Variants in FBF1 observed in about 807,000 individuals in gnomAD.
FBF1 encodes Fas binding factor 1, also known as fas-binding factor 1.
FBF1 carries 119 observed loss-of-function variants against 147.2 expected under a neutral mutation model. The ratio of observed to expected loss-of-function variants is 0.81; its 90% CI spans 0.70 to 0.94. FBF1 has a LOEUF of 0.94. Ranked by LOEUF, FBF1 falls within the 40% of genes least tolerant of loss-of-function variation. FBF1 has a pLI of 0.00. For synonymous variants in FBF1, 601 were observed against 609.0 expected, an observed-to-expected ratio of 0.99 and a Z score of 0.19; for missense variants, 1,449 against 1,500.8, an observed-to-expected ratio of 0.97 and a Z score of 0.57.
chr17:75,926,201 G>C (rs374110657), intron 11 of FBF1, 38 bp from the exon 12 acceptor site: 9 of 1,605,180 alleles, frequency 5.6e-6, no homozygotes, highest in Non-Finnish European at 6.8e-6. Context: ...GTGTAGGTAT[G>C]AGGGGCTCTC....
chr17:75,931,145 T>TC, intron 6 of FBF1, 84 bp downstream of exon 6: 2 of 1,429,618 alleles, frequency 1.4e-6, no homozygotes, highest in Non-Finnish European at 1.9e-6. Flanking sequence ...TCTAAACCCT[T>TC]CCGTGGGCAG....
Position 75,909,610 on chromosome 17 carries a change from TCA to T in FBF1, c.*1111_*1112del, listed in dbSNP as rs1174218853. On this transcript the variant is annotated 3_prime_UTR_variant, in exon 30 of 30. Transcript: ENST00000636174. ...GCAGGTTATTTAATCTCCCCGGGCC[TCA>T]GTTTCTGCATGTTTGAAGCAGGGCT... The T allele has an allele frequency of 3.9e-6, 2 of 509,996 alleles. No homozygotes were observed. Among genetic ancestry groups the T allele is most frequent in the Non-Finnish European group, 7.0e-6 (2 of 287,206 alleles). 31.6% of individuals were successfully genotyped at this position (509,996 alleles called of 1,614,324 possible). A position where few individuals can be genotyped will look rare whatever the true frequency, so the allele number is the denominator to read the frequency against.
intron 1 of FBF1, among the ~76,000 whole-genome samples, chr17:75,938,798 G>A (rs748845556): frequency 1.3e-5 from 2 of 151,534 alleles, no homozygotes; most frequent in Non-Finnish European, 1.5e-5. Context: ...CCCGCTAGAC[G>A]GAGGTTGCAG....
In FBF1 at chr17:75,912,244, C is replaced by CTGGG; in HGVS notation, c.3307_3310dup (p.Ser1104ThrfsTer22). The CTGGG allele has an allele frequency of 6.2e-7, 1 of 1,611,524 alleles. No homozygotes were observed. Among genetic ancestry groups the CTGGG allele is most frequent in the Non-Finnish European group, 8.5e-7 (1 of 1,179,324 alleles). On this transcript the variant is annotated frameshift_variant, in exon 29 of 30. Coordinates refer to ENST00000636174, the MANE Select transcript of FBF1 (RefSeq NM_001319193.2). LOFTEE classifies it high-confidence loss of function. ...CAGCCTGGCATGGAGGTGCAAGGGG[C>CTGGG]TGGGGTCCAGGCCAGTTGGCGGCTG...
intron 17 of FBF1, among the ~76,000 whole-genome samples, chr17:75,920,838 G>C (rs1040424601): frequency 2.6e-5 from 4 of 151,856 alleles, no homozygotes; most frequent in Non-Finnish European, 5.9e-5. Flanking sequence ...CCTGGGGGGG[G>C]GGGGGGCACA....
Position 75,928,956 on chromosome 17 carries a change from G to T in FBF1, c.280-763C>A, listed in dbSNP as rs1478954962. Among the ~76,000 whole-genome samples, 3 of 150,778 alleles carry T rather than the reference G, an allele frequency of 2.0e-5. No homozygotes were observed. Among genetic ancestry groups the T allele is most frequent in the Non-Finnish European group, 4.4e-5 (3 of 67,770 alleles). ...TCCACCTGCCATGGCCTCCCAAAGT[G>T]CTGGCATTACAGGAGTAAGCCACCA... is the stretch of plus-strand genomic sequence containing the variant. On this transcript the variant is annotated intron_variant, in intron 7 of 29. Coordinates refer to ENST00000636174, the MANE Select transcript of FBF1 (RefSeq NM_001319193.2). The surrounding 1 kb of genome is among the most constrained non-coding windows in gnomAD (Gnocchi z 4.2).
chr17:75,929,197 G>A (rs1033510611), intron 7 of FBF1, among the ~76,000 whole-genome samples: 1 of 152,070 alleles, frequency 6.6e-6, no homozygotes, highest in Non-Finnish European at 1.5e-5. Context: ...TGGACCGGGT[G>A]TGGTGCCTCA....
At chr17:75,911,365 T>A (rs2065455854) in intron 29 of FBF1, among the ~76,000 whole-genome samples, 1 of 152,210 alleles carries the variant, frequency 6.6e-6, no homozygotes, top group South Asian at 2.1e-4. Flanking sequence ...TTTTGTTTAG[T>A]TTGAGACAAG....
intron 4 of FBF1, among the ~76,000 whole-genome samples, chr17:75,935,019 A>C (rs2144195504): frequency 6.6e-6 from 1 of 152,270 alleles, no homozygotes; most frequent in East Asian, 1.9e-4. Flanking sequence ...GAAATTGACT[A>C]CTAATGGGCA....
intron 5 of FBF1, 47 bp from the exon 6 acceptor site, chr17:75,931,336 A>G (rs2065593591): frequency 1.4e-5 from 21 of 1,531,070 alleles, no homozygotes; most frequent in Non-Finnish European, 1.8e-5. Context: ...AGGGCACTGG[A>G]TGACTCTAAA....
intron 23 of FBF1, among the ~76,000 whole-genome samples, chr17:75,916,619 T>C (rs2065490851): frequency 6.6e-6 from 1 of 152,176 alleles, no homozygotes; most frequent in South Asian, 2.1e-4. Flanking sequence ...ACCCTGTCTC[T>C]AAAAAATAAC....
chr17:75,923,284 C>T lies in FBF1; in HGVS notation c.1326G>A (p.Leu442=), dbSNP rs371707481. 6 of 1,591,802 alleles carry T rather than the reference C, an allele frequency of 3.8e-6. No individual in the cohort carries two copies. In the African/African-American group the frequency reaches 6.7e-5, roughly 18 times the overall value. The change falls in exon 14 of 30, where the codon CTG becomes CTA. Residue 442 remains leucine (L), a synonymous_variant. Transcript: ENST00000636174. The surrounding 1 kb of genome is among the most constrained non-coding windows in gnomAD (Gnocchi z 4.1). ...CCAGGCCTTGGGACTTCTTCCGAGA[C>T]AGGGCATGGCTCAGCCAGTCCTCTT... The part of the protein sequence containing the change: ...EEKEDWLSHA[L]SRKKSQGLAR...
chr17:75,929,441 A>C (rs551311832), intron 7 of FBF1, among the ~76,000 whole-genome samples: 1 of 152,296 alleles, frequency 6.6e-6, no homozygotes, highest in South Asian at 2.1e-4. Flanking sequence ...GTTAACTAAA[A>C]GGGACACAAA....
chr17:75,923,748 G>C lies in FBF1; in HGVS notation c.969-107C>G. The C allele has an allele frequency of 8.6e-7, 1 of 1,157,390 alleles. No individual in the cohort carries two copies. Among genetic ancestry groups the C allele is most frequent in the Non-Finnish European group, 1.2e-6 (1 of 839,038 alleles). 71.7% of individuals were successfully genotyped at this position (1,157,390 alleles called of 1,614,324 possible). A position where few individuals can be genotyped will look rare whatever the true frequency, so the allele number is the denominator to read the frequency against. ...GATGCCCAGGGACCCTGCACAGTCA[G>C]CTGAGGCCCAGTGAGCAGTGGCTCC... On this transcript the variant is annotated intron_variant, in intron 13 of 29. Transcript: ENST00000636174. This position sits in a 1 kb window ranked among gnomAD's most constrained non-coding sequence, Gnocchi z 4.1.
At chr17:75,915,451 C>A (rs2065482936) in intron 23 of FBF1, among the ~76,000 whole-genome samples, 1 of 152,220 alleles carries the variant, frequency 6.6e-6, no homozygotes, top group Non-Finnish European at 1.5e-5. Context: ...ACGCACTCTG[C>A]CTGTCCTCAC....
In FBF1 at chr17:75,920,167, C is replaced by T. The variant is rs1047019079; in HGVS notation, c.1831-60G>A. The T allele has an allele frequency of 8.2e-6, 13 of 1,586,420 alleles. No homozygotes were observed. In the African/African-American group the frequency reaches 1.7e-4, roughly 21 times the overall value. On this transcript the variant is annotated intron_variant, in intron 18 of 29. Transcript: ENST00000636174. ...GGGAGGTGGCTGTACTCCACGCTGC[C>T]CTGTGCCAACAGCCCTTCCTCCCTC...
intron 29 of FBF1, among the ~76,000 whole-genome samples, chr17:75,911,642 C>T (rs1207146342): frequency 6.6e-6 from 1 of 152,176 alleles, no homozygotes; most frequent in African/African-American, 2.4e-5. Flanking sequence ...CCTCAGCCTC[C>T]GGAGTAGCTG....
rs960240418 is a variant in FBF1 at position 75,940,888 on chromosome 17, T to G, written c.-124A>C. ...GCCTATCTGGCCCCGGAGCGCAGCC[T>G]GTAACGCTCTCAGCCCCGGAAGCCT... On this transcript the variant is annotated 5_prime_UTR_variant, in exon 1 of 30. Coordinates refer to ENST00000636174, the MANE Select transcript of FBF1 (RefSeq NM_001319193.2). 3.3e-5 allele frequency: 5 copies of G among 153,684 alleles called. No homozygotes were observed. Among genetic ancestry groups the G allele is most frequent in the African/African-American group, 1.2e-4 (5 of 41,458 alleles). The allele number at this position is 153,684 out of a possible 1,614,324, so 9.5% of individuals were successfully genotyped here.
chr17:75,934,667 T>C (rs905749717), intron 4 of FBF1, among the ~76,000 whole-genome samples: 4 of 150,996 alleles, frequency 2.6e-5, no homozygotes, highest in African/African-American at 9.8e-5. Context: ...TCACCTGAGG[T>C]TGGGAGTTCG....
Sources: allele counts gnomAD v4.1 joint callset (sites outside exome capture counted in the v4.1 genomes callset), GRCh38; gene constraint gnomAD v4.1.1; non-coding constraint Gnocchi (gnomAD v3.1); transcripts MANE v1.5; gene names NCBI Gene and HGNC (gene_info 2026-07-23, HGNC 2026-07-21).